LAMB2: variants seen among roughly 807,000 people sequenced by gnomAD.
LAMB2 encodes laminin subunit beta 2, also known as laminin subunit beta-2.
A neutral mutation model predicts 202.7 loss-of-function variants in LAMB2; 119 were observed. The observed-to-expected ratio is 0.59, with a 90% confidence interval of 0.51 to 0.68. The LOEUF is 0.68. Ranked by LOEUF, LAMB2 falls within the 30% of genes least tolerant of loss-of-function variation. LAMB2 has a pLI of 0.00. For missense variants in LAMB2, 2,124 were observed against 2,410.6 expected, an observed-to-expected ratio of 0.88 and a Z score of 2.49; for synonymous variants, 818 against 902.2, an observed-to-expected ratio of 0.91 and a Z score of 1.67.
rs780591744 is a variant in LAMB2, at chr3:49,126,053, C to G, written c.2258G>C (p.Gly753Ala). ...GGGAGAAGTCTTGCTGGGCACCAGA[C>G]CCTCCTCATGGCATTGGTAGCGTTC... ...TFERYQCHEE[G>A]LVPSKTSPSE... The change falls in exon 17 of 32, where the codon GGT (glycine) becomes GCT (alanine). Residue 753 changes from glycine (G) to alanine (A), a missense_variant. This residue lies in a region of LAMB2 where 1,702 missense variants were observed against 1,896.3 expected (regional missense o/e 0.90). Coordinates refer to ENST00000305544, the MANE Select transcript of LAMB2 (RefSeq NM_002292.4). The G allele has an allele frequency of 6.8e-6, 11 of 1,614,150 alleles. No individual in the cohort carries two copies. In the South Asian group the frequency reaches 1.2e-4, roughly 18 times the overall value.
chr3:49,130,838 T>C lies in LAMB2; in HGVS notation c.938A>G (p.Lys313Arg), dbSNP rs770959758. ...GCAGTTGAGGCCACGTGTGTTGTGT[T>C]TGCAGATGCAAGCTCCGTGCACCTA... is the stretch of plus-strand genomic sequence containing the variant. Reference protein sequence around the residue: ...EGMVHGACICKHNTRGLNCEQ... With the variant: ...EGMVHGACICRHNTRGLNCEQ... Residue 313 changes from lysine to arginine, a missense_variant, in exon 8 of 32, where the codon AAA becomes AGA. Lys to Arg is a conservative substitution (Grantham distance 26). Transcript: ENST00000305544. This position sits in a 1 kb window ranked among gnomAD's most constrained non-coding sequence, Gnocchi z 5.0. 2.0e-5 allele frequency: 33 copies of C among 1,614,068 alleles called. No individual in the cohort carries two copies. In the Admixed American group the frequency reaches 5.2e-4, roughly 25 times the overall value.
chr3:49,121,769 A>G lies in LAMB2; in HGVS notation c.5015T>C (p.Leu1672Ser), dbSNP rs762045651. Residue 1672 changes from leucine to serine, a missense_variant, in exon 30 of 32, where the codon TTG becomes TCG. By Grantham distance (145) the Leu-to-Ser change is moderately radical. Coordinates refer to ENST00000305544, the MANE Select transcript of LAMB2 (RefSeq NM_002292.4). Reference sequence around the variant, plus strand: ...TGCCAGACTATTTCCTGCCCGTTTCAATTTCAGAGCCTCCAGGAGAGCATC... The same window carrying G: ...TGCCAGACTATTTCCTGCCCGTTTCGATTTCAGAGCCTCCAGGAGAGCATC... Reference protein sequence around the residue: ...QLDALLEALKLKRAGNSLAAS... With the variant: ...QLDALLEALKSKRAGNSLAAS... 78 of 1,613,386 alleles carry G rather than the reference A, an allele frequency of 4.8e-5. No homozygotes were observed. Among genetic ancestry groups the G allele is most frequent in the Non-Finnish European group, 6.5e-5 (77 of 1,179,978 alleles).
intron 16 of LAMB2, 78 bp from the exon 17 acceptor site, chr3:49,126,237 G>A: frequency 1.2e-6 from 2 of 1,600,864 alleles, no homozygotes; most frequent in Non-Finnish European, 1.7e-6. Flanking sequence ...CCTTAGCACT[G>A]CCACAAGCCT....
At chr3:49,126,301 C>A (rs1024750044) in intron 16 of LAMB2, 64 bp downstream of exon 16, 3 of 1,612,224 alleles carry the variant, frequency 1.9e-6, no homozygotes, top group Non-Finnish European at 1.7e-6. Flanking sequence ...CCCCTGCTAT[C>A]CCTCAAGTCC....
In LAMB2 at chr3:49,132,356, C is replaced by T. The variant is rs771217937; in HGVS notation, c.299G>A (p.Arg100Lys). 7 of 1,614,252 alleles carry T rather than the reference C, an allele frequency of 4.3e-6. No homozygotes were observed. Among genetic ancestry groups the T allele is most frequent in the East Asian group, 4.5e-5 (2 of 44,886 alleles). ...LCDSRRPFSA[R>K]DNPHSHRIQN... ...GATGCGATGGCTGTGTGGGTTGTCT[C>T]TAGCAGAGAAGGGGCGCCGGGAGTC... Residue 100 changes from arginine to lysine, a missense_variant, in exon 3 of 32, where the codon AGA becomes AAA. Around this residue, in one of 3 missense-constraint regions of LAMB2, gnomAD observed 166 missense variants for 158.2 expected, o/e 1.05. Coordinates refer to ENST00000305544, the MANE Select transcript of LAMB2 (RefSeq NM_002292.4). This position sits in a 1 kb window ranked among gnomAD's most constrained non-coding sequence, Gnocchi z 4.6.
chr3:49,125,597 G>A, intron 18 of LAMB2, 113 bp from the exon 19 acceptor site: 11 of 1,401,784 alleles, frequency 7.8e-6, no homozygotes, highest in Non-Finnish European at 1.1e-5. Context: ...GGAAGGTCAG[G>A]AAATGGAAGA....
At position 49,130,973 on chromosome 3, in the gene LAMB2, C is replaced by A. The variant is rs2045474769; in HGVS notation, c.892G>T (p.Ala298Ser). ...HASECAPAPG[A>S]PAHAEGMVHG... ...ACCATGCCCTCAGCATGGGCTGGTG[C>A]CCCTGGGGCGGGTGCACACTCTGAG... is the stretch of plus-strand genomic sequence containing the variant. The change falls in exon 7 of 32, where the codon GCA (alanine) becomes TCA (serine). Residue 298 changes from alanine (A) to serine (S), a missense_variant. This residue lies in a region of LAMB2 where 256 missense variants were observed against 356.1 expected (regional missense o/e 0.72). Transcript: ENST00000305544. The surrounding 1 kb of genome is among the most constrained non-coding windows in gnomAD (Gnocchi z 5.0). 1 of 1,613,966 alleles carries A rather than the reference C, an allele frequency of 6.2e-7. No individual in the cohort carries two copies. Among genetic ancestry groups the A allele is most frequent in the Non-Finnish European group, 8.5e-7 (1 of 1,180,042 alleles).
At position 49,131,589 on chromosome 3, in the gene LAMB2, A is replaced by C. The variant is rs1344838792; in HGVS notation, c.594T>G (p.Asp198Glu). The change falls in exon 5 of 32, where the codon GAT becomes GAG. Residue 198 changes from aspartate (D) to glutamate (E), a missense_variant. Transcript: ENST00000305544. The surrounding 1 kb of genome is among the most constrained non-coding windows in gnomAD (Gnocchi z 5.0). ...GVPLAPPRHW[D>E]DVVCESRYSE... ...AGTAGCGGGACTCACAGACTACATC[A>C]TCCCAGTGCCGTGGGGGTGCTAGTG... 3 of 1,613,848 alleles carry C rather than the reference A, an allele frequency of 1.9e-6. No homozygotes were observed. Among genetic ancestry groups the C allele is most frequent in the Non-Finnish European group, 2.5e-6 (3 of 1,180,016 alleles).
chr3:49,127,412 T>C (rs1427454148), intron 15 of LAMB2, among the ~76,000 whole-genome samples: 2 of 152,078 alleles, frequency 1.3e-5, no homozygotes, highest in African/African-American at 2.4e-5. Context: ...CTAAAAGCAA[T>C]AGGTCAAGTG....
At position 49,131,771 on chromosome 3, in the gene LAMB2, A is replaced by C. The variant is rs1197473660; in HGVS notation, c.460-48T>G. ...TCAGCAGGCACCAGGACCCAAGCCC[A>C]ACCCAGAGCCATCAAGAGCCCTGCT... On this transcript the variant is annotated intron_variant, in intron 4 of 31. Coordinates refer to ENST00000305544, the MANE Select transcript of LAMB2 (RefSeq NM_002292.4). This position sits in a 1 kb window ranked among gnomAD's most constrained non-coding sequence, Gnocchi z 5.0. 6.3e-7 allele frequency: 1 copy of C among 1,598,410 alleles called. No individual in the cohort carries two copies. Among genetic ancestry groups the C allele is most frequent in the Non-Finnish European group, 8.5e-7 (1 of 1,170,290 alleles).
Position 49,132,941 on chromosome 3 carries a change from C to T in LAMB2, c.-74G>A, listed in dbSNP as rs991433553. On this transcript the variant is annotated 5_prime_UTR_variant, in exon 1 of 32. Transcript: ENST00000305544. This position sits in a 1 kb window ranked among gnomAD's most constrained non-coding sequence, Gnocchi z 4.6. Reference sequence around the variant, plus strand: ...AGCCCTCCTCCTTGCTTTGGGGTTCCGTGTCAACTCTGCCTGTGGGTCTTT... The same window carrying T: ...AGCCCTCCTCCTTGCTTTGGGGTTCTGTGTCAACTCTGCCTGTGGGTCTTT... 15 of 1,343,670 alleles carry T rather than the reference C, an allele frequency of 1.1e-5. No individual in the cohort carries two copies. Among genetic ancestry groups the T allele is most frequent in the Admixed American group, 1.7e-5 (1 of 58,824 alleles). The allele number at this position is 1,343,670 out of a possible 1,614,324, so 83.2% of individuals were successfully genotyped here.
rs1312597737 is a variant in LAMB2, at chr3:49,129,282, G to C, written c.1561C>G (p.Pro521Ala). 3 of 1,613,736 alleles carry C rather than the reference G, an allele frequency of 1.9e-6. No homozygotes were observed. The Admixed American group carries it at 5.0e-5, about 27-fold the overall frequency. Reference sequence around the variant, plus strand: ...GCACCACCCACGTCGCAGTCACAGGGGCGGCAGCCGAGCAGGTCGTGGCTC... The same window carrying C: ...GCACCACCCACGTCGCAGTCACAGGCGCGGCAGCCGAGCAGGTCGTGGCTC... ...GLSHDLLGCR[P>A]CDCDVGGALD... Residue 521 changes from proline to alanine, a missense_variant, in exon 12 of 32, where the codon CCC becomes GCC. By Grantham distance (27) the Pro-to-Ala change is conservative. Transcript: ENST00000305544. The surrounding 1 kb of genome is among the most constrained non-coding windows in gnomAD (Gnocchi z 6.1).
chr3:49,130,854 C>T lies in LAMB2; in HGVS notation c.922G>A (p.Gly308Arg), dbSNP rs774169261. The stretch of plus-strand genomic sequence containing the variant: ...GTGTTGTGTTTGCAGATGCAAGCTC[C>T]GTGCACCTATAGAGGTTGGCAGGTA... ...APAHAEGMVH[G>R]ACICKHNTRG... The change falls in exon 8 of 32, where the codon GGA becomes AGA. Residue 308 changes from glycine (G) to arginine (R), a missense_variant. Around this residue, in one of 3 missense-constraint regions of LAMB2, gnomAD observed 256 missense variants for 356.1 expected, o/e 0.72. Transcript: ENST00000305544. This position sits in a 1 kb window ranked among gnomAD's most constrained non-coding sequence, Gnocchi z 5.0. 23 of 1,614,164 alleles carry T rather than the reference C, an allele frequency of 1.4e-5. No homozygotes were observed. Among genetic ancestry groups the T allele is most frequent in the Middle Eastern group, 3.3e-4 (2 of 6,062 alleles).
Position 49,122,037 on chromosome 3 carries a change from T to A in LAMB2, c.4830A>T (p.Ala1610=), listed in dbSNP as rs769970074. ...CCTGTGCCCGCTGGGCCTCCTCCAG[T>A]GCTGCCTGTACTGTCTCTGCCTTCT... The part of the protein sequence containing the change: ...EKQKAETVQA[A]LEEAQRAQGI... Residue 1610 remains alanine, a synonymous_variant, in exon 29 of 32, where the codon GCA becomes GCT. Coordinates refer to ENST00000305544, the MANE Select transcript of LAMB2 (RefSeq NM_002292.4). The A allele has an allele frequency of 2.5e-6, 4 of 1,613,628 alleles. No homozygotes were observed. Among genetic ancestry groups the A allele is most frequent in the Non-Finnish European group, 3.4e-6 (4 of 1,180,046 alleles).
Position 49,130,454 on chromosome 3 carries a change from T to G in LAMB2, c.1037-35A>C. 6.2e-7 allele frequency: 1 copy of G among 1,612,288 alleles called. No individual in the cohort carries two copies. The highest frequency in any genetic ancestry group is 8.5e-7 in the Non-Finnish European group (1 of 1,178,764). On this transcript the variant is annotated intron_variant, in intron 8 of 31. Coordinates refer to ENST00000305544, the MANE Select transcript of LAMB2 (RefSeq NM_002292.4). The surrounding 1 kb of genome is among the most constrained non-coding windows in gnomAD (Gnocchi z 5.0). Reference sequence around the variant, plus strand: ...GAGGAAGGGCAGGGCAAAGGCCACATGAGGAACCAGGTCACAAGGGTAAGA... The same window carrying G: ...GAGGAAGGGCAGGGCAAAGGCCACAGGAGGAACCAGGTCACAAGGGTAAGA...
Position 49,122,296 on chromosome 3 carries a change from C to T in LAMB2, c.4648G>A (p.Glu1550Lys), listed in dbSNP as rs1242584694. ...VLELSIPASAEQIQHLAGAIA... is the reference protein window; with the variant it reads ...VLELSIPASAKQIQHLAGAIA... ...GCACCCGCCAGGTGCTGGATCTGCTCAGCTGAAGCTGGGATGGAGAGCTCT... is the reference window on the plus strand; with the variant it reads ...GCACCCGCCAGGTGCTGGATCTGCTTAGCTGAAGCTGGGATGGAGAGCTCT... The change falls in exon 28 of 32, where the codon GAG becomes AAG. Residue 1550 changes from glutamate (E) to lysine (K), a missense_variant. Around this residue, in one of 3 missense-constraint regions of LAMB2, gnomAD observed 1,702 missense variants for 1,896.3 expected, o/e 0.90. Coordinates refer to ENST00000305544, the MANE Select transcript of LAMB2 (RefSeq NM_002292.4). 1.2e-6 allele frequency: 2 copies of T among 1,613,592 alleles called. No individual in the cohort carries two copies. The highest frequency in any genetic ancestry group is 1.1e-5 in the South Asian group (1 of 91,090).
rs764016085 is a variant in LAMB2 at position 49,131,468 on chromosome 3, A to G, written c.649-26T>C. 3.1e-6 allele frequency: 5 copies of G among 1,613,970 alleles called. No homozygotes were observed. In the South Asian group the frequency reaches 5.5e-5, roughly 18 times the overall value. Reference sequence around the variant, plus strand: ...CTGGAGAAGCAGGGAGTTCATAGTCACACTGGACCTTGCCTCAGGCCCATC... The same window carrying G: ...CTGGAGAAGCAGGGAGTTCATAGTCGCACTGGACCTTGCCTCAGGCCCATC... On this transcript the variant is annotated intron_variant, in intron 5 of 31. Coordinates refer to ENST00000305544, the MANE Select transcript of LAMB2 (RefSeq NM_002292.4). The surrounding 1 kb of genome is among the most constrained non-coding windows in gnomAD (Gnocchi z 5.0).
rs1377367787 is a variant in LAMB2 at position 49,130,923 on chromosome 3, C to T, written c.915+27G>A. On this transcript the variant is annotated intron_variant, in intron 7 of 31. Coordinates refer to ENST00000305544, the MANE Select transcript of LAMB2 (RefSeq NM_002292.4). The surrounding 1 kb of genome is among the most constrained non-coding windows in gnomAD (Gnocchi z 5.0). Reference sequence around the variant, plus strand: ...GCCATGTCCGCCCCTGCCCCTAGCCCTATCCCAACCGTCTGAAGCCCCTTA... The same window carrying T: ...GCCATGTCCGCCCCTGCCCCTAGCCTTATCCCAACCGTCTGAAGCCCCTTA... The T allele has an allele frequency of 3.7e-6, 6 of 1,614,052 alleles. No homozygotes were observed. The Admixed American group carries it at 5.0e-5, about 13-fold the overall frequency.
chr3:49,126,193 A>G (rs1478388910), intron 16 of LAMB2, 34 bp from the exon 17 acceptor site: 1 of 1,609,792 alleles, frequency 6.2e-7, no homozygotes, highest in South Asian at 1.1e-5. Context: ...CGCAGTTCAG[A>G]CCTGGGACCA....
Sources: gnomAD v4.1 joint callset for allele counts (sites outside exome capture counted in the v4.1 genomes callset) on GRCh38, gnomAD v4.1.1 for gene constraint, gnomAD v4.1.1 regional missense constraint, Gnocchi (gnomAD v3.1) non-coding constraint, MANE v1.5 for transcripts, NCBI Gene and HGNC (gene_info 2026-07-23, HGNC 2026-07-21) for gene names.